Variants in MLIP observed in about 807,000 individuals in gnomAD.
MLIP encodes muscular LMNA-interacting protein.
In MLIP, 79 loss-of-function variants were observed where a neutral mutation model predicts 84.8. That is an observed-to-expected ratio of 0.93 (90% CI 0.78 to 1.12). The LOEUF (loss-of-function observed/expected upper bound fraction) is 1.12, where lower values mean the gene tolerates loss of function less well. Ranked by LOEUF, MLIP falls within the 50% of genes most tolerant of loss-of-function variation. The pLI is 0.00. For synonymous variants in MLIP, 504 were observed against 463.0 expected (o/e 1.09, Z -1.14); for missense variants, 1,257 against 1,160.6 (o/e 1.08, Z -1.21).
intron 1 of MLIP, among the ~76,000 whole-genome samples, chr6:54,056,928 T>C (rs1257206174): frequency 6.6e-6 from 1 of 152,204 alleles, no homozygotes; most frequent in Non-Finnish European, 1.5e-5. Context: ...TCTAAGGTAG[T>C]AGGGTTATTT....
At chr6:54,136,654 A>T in intron 3 of MLIP, 61 bp from the exon 4 acceptor site, 1 of 1,357,886 alleles carries the variant, frequency 7.4e-7, no homozygotes, top group Non-Finnish European at 9.6e-7. Flanking sequence ...AGTGACAAGA[A>T]TATTTTGATC....
intron 1 of MLIP, among the ~76,000 whole-genome samples, chr6:54,024,261 C>T (rs1420413074): frequency 1.3e-5 from 2 of 152,210 alleles, no homozygotes; most frequent in Non-Finnish European, 1.5e-5. Flanking sequence ...ATTCGCCCAC[C>T]TTAGCCTCCC....
chr6:54,046,440 A>G (rs1359828873), intron 1 of MLIP: 1 of 152,130 alleles, frequency 6.6e-6, no homozygotes, highest in Non-Finnish European at 1.5e-5. Context: ...TATATTCTTC[A>G]TATAAAGAAA....
chr6:54,141,463 C>T (rs1225352586), intron 4 of MLIP, among the ~76,000 whole-genome samples: 1 of 151,962 alleles, frequency 6.6e-6, no homozygotes, highest in African/African-American at 2.4e-5. Flanking sequence ...TGCACCATAA[C>T]ATCCGGCTAA....
chr6:54,241,545 C>G (rs1781737745), intron 12 of MLIP, among the ~76,000 whole-genome samples: 1 of 151,980 alleles, frequency 6.6e-6, no homozygotes, highest in Non-Finnish European at 1.5e-5. Context: ...AGTCCTTTCT[C>G]ATTGAAAAAA....
Position 54,202,099 on chromosome 6 carries a change from A to T in MLIP, c.2590-6A>T. 6.4e-7 allele frequency: 1 copy of T among 1,556,094 alleles called. No individual in the cohort carries two copies. Among genetic ancestry groups the T allele is most frequent in the East Asian group, 2.3e-5 (1 of 43,656 alleles). On this transcript the variant is annotated splice_polypyrimidine_tract_variant and splice_region_variant and intron_variant, in intron 10 of 13. Coordinates refer to ENST00000502396, the MANE Select transcript of MLIP (RefSeq NM_001281747.2). The stretch of plus-strand genomic sequence containing the variant: ...TTTTTAAAATATTTATTTTACATTC[A>T]TGAAGACTAAGCCTGGAGTAATTCG...
chr6:54,101,871 A>T lies in MLIP; in HGVS notation c.64-19576A>T, dbSNP rs561223578. ...AACCATGCATTGCTTTTATAGTAAG[A>T]GAATAACAGCTTTGAACAGTGGGAA... is the stretch of plus-strand genomic sequence containing the variant. On this transcript the variant is annotated intron_variant, in intron 1 of 12. Coordinates refer to the MLIP transcript ENST00000274897. 2.0e-5 allele frequency among the ~76,000 whole-genome samples: 3 copies of T among 152,266 alleles called. No individual in the cohort carries two copies. The South Asian group carries it at 6.2e-4, about 32-fold the overall frequency.
At chr6:54,186,096 T>G (rs1777363382) in intron 9 of MLIP, among the ~76,000 whole-genome samples, 1 of 152,328 alleles carries the variant, frequency 6.6e-6, no homozygotes, top group South Asian at 2.1e-4. Context: ...AAGGACTTCA[T>G]CATTTGTACA....
chr6:54,191,939 G>A (rs1374689634), intron 10 of MLIP, among the ~76,000 whole-genome samples: 1 of 151,264 alleles, frequency 6.6e-6, no homozygotes, highest in Non-Finnish European at 1.5e-5. Context: ...TTACATACAT[G>A]TAAGTTCTTG....
rs541383316 is a variant in MLIP at position 54,171,109 on chromosome 6, G to C, written c.2544+1537G>C. ...TTGATGTCATTATCCATTCCTCTCT[G>C]GGAGGGGTTAATTTGGTAGCAATTG... On this transcript the variant is annotated intron_variant, in intron 9 of 13. Coordinates refer to ENST00000502396, the MANE Select transcript of MLIP (RefSeq NM_001281747.2). Among the ~76,000 whole-genome samples the C allele has an allele frequency of 2.6e-5, 4 of 151,586 alleles. No individual in the cohort carries two copies. The East Asian group carries it at 7.8e-4, about 29-fold the overall frequency.
At chr6:54,189,826 A>C (rs1777739413) in intron 9 of MLIP, 44 bp from the exon 10 acceptor site, 9 of 1,402,240 alleles carry the variant, frequency 6.4e-6, no homozygotes, top group Non-Finnish European at 9.1e-6. Context: ...ATATTTTAAT[A>C]AATTATGAGT....
intron 8 of MLIP, among the ~76,000 whole-genome samples, chr6:54,166,599 T>G (rs189299176): frequency 5.1e-4 from 78 of 152,088 alleles, no homozygotes; most frequent in Non-Finnish European, 1.1e-3. Flanking sequence ...TTATCATTTC[T>G]TAGTCTCCTT....
chr6:54,076,253 T>C (rs2150350461), intron 1 of MLIP, among the ~76,000 whole-genome samples: 1 of 152,264 alleles, frequency 6.6e-6, no homozygotes, highest in East Asian at 1.9e-4. Context: ...CCCTTTATCA[T>C]AATCTCTATT....
chr6:54,161,101 G>GT (rs936834692), intron 8 of MLIP, among the ~76,000 whole-genome samples: 20 of 147,924 alleles, frequency 1.4e-4, no homozygotes, highest in Admixed American at 3.4e-4. Context: ...ATTAGGCTAT[G>GT]TTTTTTTTTT....
intron 9 of MLIP, among the ~76,000 whole-genome samples, chr6:54,189,056 A>G (rs564543083): frequency 6.6e-6 from 1 of 152,328 alleles, no homozygotes; most frequent in South Asian, 2.1e-4. Flanking sequence ...CCAAGACAGT[A>G]AGGCCTGAAA....
chr6:54,154,376 A>C (rs146164142), intron 5 of MLIP, among the ~76,000 whole-genome samples: 46 of 152,320 alleles, frequency 3.0e-4, no homozygotes, highest in African/African-American at 9.9e-4. Context: ...CTTATAGAAC[A>C]GCCTTCTGCT....
chr6:54,151,916 G>C (rs1234275408), intron 5 of MLIP, among the ~76,000 whole-genome samples: 1 of 152,066 alleles, frequency 6.6e-6, no homozygotes, highest in African/African-American at 2.4e-5. Flanking sequence ...AATCAACCCT[G>C]GATGAAGCCC....
chr6:54,132,712 C>T (rs1241357688), intron 3 of MLIP, among the ~76,000 whole-genome samples: 1 of 152,124 alleles, frequency 6.6e-6, no homozygotes, highest in African/African-American at 2.4e-5. Context: ...AGGTGCAGGA[C>T]CCAGCTGAGA....
chr6:54,227,260 A>G (rs576253727), intron 11 of MLIP, among the ~76,000 whole-genome samples: 2 of 152,218 alleles, frequency 1.3e-5, no homozygotes, highest in East Asian at 1.9e-4. Flanking sequence ...TCTTTCCTTT[A>G]TAAATTACTG....
Sources: gnomAD v4.1 joint callset for allele counts (sites outside exome capture counted in the v4.1 genomes callset) on GRCh38, gnomAD v4.1.1 for gene constraint, MANE v1.5 for transcripts, NCBI Gene and HGNC (gene_info 2026-07-23, HGNC 2026-07-21) for gene names.